Variants in STX11 observed in about 807,000 individuals in gnomAD.
STX11 encodes syntaxin 11, also known as syntaxin-11.
In STX11, 21 loss-of-function variants were observed where a neutral mutation model predicts 19.9. The ratio of observed to expected loss-of-function variants is 1.06; its 90% CI spans 0.75 to 1.52. STX11 has a LOEUF of 1.52. Ranked by LOEUF, STX11 falls within the 40% of genes most tolerant of loss-of-function variation. The pLI, the probability that STX11 is intolerant of heterozygous loss-of-function variation, is 0.00. For missense variants in STX11, 438 were observed against 405.9 expected (o/e 1.08, Z -0.68); for synonymous variants, 193 against 174.4 (o/e 1.11, Z -0.84).
At position 144,159,727 on chromosome 6, in the gene STX11, C is replaced by T. The variant is rs954154935; in HGVS notation, c.-6+9024C>T. On this transcript the variant is annotated intron_variant, in intron 1 of 1. Coordinates refer to ENST00000367568, the MANE Select transcript of STX11 (RefSeq NM_003764.4). The surrounding 1 kb of genome is among the most constrained non-coding windows in gnomAD (Gnocchi z 4.3). Reference sequence around the variant, plus strand: ...AAAATAAATGTAAAGCTCTGAAAATCATGAACTTACATCACAGCCTTTTAA... The same window carrying T: ...AAAATAAATGTAAAGCTCTGAAAATTATGAACTTACATCACAGCCTTTTAA... Among the ~76,000 whole-genome samples the T allele has an allele frequency of 2.0e-5, 3 of 152,148 alleles. No homozygotes were observed. Among genetic ancestry groups the T allele is most frequent in the African/African-American group, 7.2e-5 (3 of 41,428 alleles).
In STX11 at chr6:144,167,242, T is replaced by G. The variant is rs1562661300; in HGVS notation, c.-6+16539T>G. Among the ~76,000 whole-genome samples the G allele has an allele frequency of 6.6e-6, 1 of 152,264 alleles. No homozygotes were observed. The highest frequency in any genetic ancestry group is 1.9e-4 in the East Asian group (1 of 5,206). On this transcript the variant is annotated intron_variant, in intron 1 of 1. Transcript: ENST00000367568. This position sits in a 1 kb window ranked among gnomAD's most constrained non-coding sequence, Gnocchi z 5.0. ...CTTTTCATGTTAAACAATTCTGTCT[T>G]ATTTGATTTATTATTACAAGTTGAG...
At chr6:144,156,516 G>A (rs1190502977) in intron 1 of STX11, among the ~76,000 whole-genome samples, 1 of 152,130 alleles carries the variant, frequency 6.6e-6, no homozygotes, top group African/African-American at 2.4e-5. Context: ...ATAACTTATT[G>A]TGTAATAAGG....
In STX11 at chr6:144,159,738, A is replaced by C. The variant is rs1801285743; in HGVS notation, c.-6+9035A>C. On this transcript the variant is annotated intron_variant, in intron 1 of 1. Transcript: ENST00000367568. The surrounding 1 kb of genome is among the most constrained non-coding windows in gnomAD (Gnocchi z 4.3). The stretch of plus-strand genomic sequence containing the variant: ...AAAGCTCTGAAAATCATGAACTTAC[A>C]TCACAGCCTTTTAAAAATTAATCTC... Among the ~76,000 whole-genome samples the C allele has an allele frequency of 6.6e-6, 1 of 152,248 alleles. No homozygotes were observed. The highest frequency in any genetic ancestry group is 1.5e-5 in the Non-Finnish European group (1 of 68,046).
rs1801887825 is a variant in STX11 at position 144,180,610 on chromosome 6, C to G, written c.-5-6013C>G. Among the ~76,000 whole-genome samples, 1 of 152,206 alleles carries G rather than the reference C, an allele frequency of 6.6e-6. No homozygotes were observed. Among genetic ancestry groups the G allele is most frequent in the Admixed American group, 6.5e-5 (1 of 15,286 alleles). On this transcript the variant is annotated intron_variant, in intron 1 of 1. Coordinates refer to ENST00000367568, the MANE Select transcript of STX11 (RefSeq NM_003764.4). This position sits in a 1 kb window ranked among gnomAD's most constrained non-coding sequence, Gnocchi z 5.3. ...GTGCCTTTCACCTCCCACTATGACTCTGGGGCCTCCCCAGCCATGTGGTAC... is the reference window on the plus strand; with the variant it reads ...GTGCCTTTCACCTCCCACTATGACTGTGGGGCCTCCCCAGCCATGTGGTAC...
chr6:144,140,249 TATA>T, the STX11 span, among the ~76,000 whole-genome samples: 9 of 45,850 alleles, frequency 2.0e-4, no homozygotes, highest in African/African-American at 1.3e-3. Flanking sequence ...TATATATATA[TATA>T]TATTTATTTA....
Position 144,162,092 on chromosome 6 carries a change from C to G in STX11, c.-6+11389C>G, listed in dbSNP as rs73582936. ...ACTCTAGATTCTCTTTTACCCTGTT[C>G]AGAGTCTAATCTGTCATCTGTCTAC... is the stretch of plus-strand genomic sequence containing the variant. On this transcript the variant is annotated intron_variant, in intron 1 of 1. Coordinates refer to ENST00000367568, the MANE Select transcript of STX11 (RefSeq NM_003764.4). This position sits in a 1 kb window ranked among gnomAD's most constrained non-coding sequence, Gnocchi z 4.6. Among the ~76,000 whole-genome samples, 6,778 of 152,236 alleles carry G rather than the reference C, an allele frequency of 0.045. 519 individuals are homozygous for G. The highest frequency in any genetic ancestry group is 0.15 in the African/African-American group (6,408 of 41,506).
At chr6:144,149,774 C>A (rs1487609738), upstream of STX11, among the ~76,000 whole-genome samples, 3 of 152,226 alleles carry the variant, frequency 2.0e-5, no homozygotes, top group Non-Finnish European at 1.5e-5. This position sits in a 1 kb window ranked among gnomAD's most constrained non-coding sequence, Gnocchi z 5.1. Context: ...CCGCGCCCGG[C>A]CCGATTTTTC....
At chr6:144,166,630 A>G (rs1474999634) in intron 1 of STX11, among the ~76,000 whole-genome samples, 2 of 150,772 alleles carry the variant, frequency 1.3e-5, no homozygotes, top group South Asian at 4.2e-4. Context: ...GGTTCAAGCA[A>G]TTCTTCTGCC....
chr6:144,158,451 G>A (rs889921259), intron 1 of STX11, among the ~76,000 whole-genome samples: 1 of 152,164 alleles, frequency 6.6e-6, no homozygotes, highest in Admixed American at 6.5e-5. Context: ...ATGGGGGATG[G>A]GAATCAGTGA....
In STX11 at chr6:144,152,626, G is replaced by A. The variant is rs543019431; in HGVS notation, c.-6+1923G>A. Among the ~76,000 whole-genome samples the A allele has an allele frequency of 1.3e-5, 2 of 152,228 alleles. No homozygotes were observed. Among genetic ancestry groups the A allele is most frequent in the South Asian group, 4.1e-4 (2 of 4,822 alleles). On this transcript the variant is annotated intron_variant, in intron 1 of 1. Transcript: ENST00000367568. This position sits in a 1 kb window ranked among gnomAD's most constrained non-coding sequence, Gnocchi z 4.9. ...AGGAAATGGTGTGACTAATTAATAG[G>A]TTGTTTTGTTTTGTTTTGTTTTTTG...
the STX11 span, among the ~76,000 whole-genome samples, chr6:144,140,125 G>A: frequency 0.04 from 5,846 of 147,476 alleles, 179 homozygotes; most frequent in Non-Finnish European, 0.063. Flanking sequence ...AGAGGCAGAT[G>A]TCTCAAGGAA....
rs367890565 is a variant in STX11, at chr6:144,190,044, A to G, written c.*2553A>G. 6.6e-6 allele frequency among the ~76,000 whole-genome samples: 1 copy of G among 152,234 alleles called. No individual in the cohort carries two copies. The highest frequency in any genetic ancestry group is 2.1e-4 in the South Asian group (1 of 4,830). On this transcript the variant is annotated 3_prime_UTR_variant, in exon 2 of 2. Coordinates refer to ENST00000367568, the MANE Select transcript of STX11 (RefSeq NM_003764.4). ...AAAAGTAAGTGAGTTTTCAGGCTCT[A>G]TATACATTTTAATTCCTCACGTTTT...
At position 144,162,942 on chromosome 6, in the gene STX11, G is replaced by A. The variant is rs191326646; in HGVS notation, c.-6+12239G>A. Among the ~76,000 whole-genome samples the A allele has an allele frequency of 9.8e-5, 15 of 152,300 alleles. No homozygotes were observed. The East Asian group carries it at 2.9e-3, about 29-fold the overall frequency. On this transcript the variant is annotated intron_variant, in intron 1 of 1. Transcript: ENST00000367568. This position sits in a 1 kb window ranked among gnomAD's most constrained non-coding sequence, Gnocchi z 4.6. Reference sequence around the variant, plus strand: ...CATTCACTGTGTGTAAATACCTTTTGAGGTTCATTGTCTTATTCTAGTTTG... The same window carrying A: ...CATTCACTGTGTGTAAATACCTTTTAAGGTTCATTGTCTTATTCTAGTTTG...
chr6:144,160,717 G>A lies in STX11; in HGVS notation c.-6+10014G>A, dbSNP rs1184415293. Among the ~76,000 whole-genome samples the A allele has an allele frequency of 1.3e-5, 2 of 152,098 alleles. No homozygotes were observed. Among genetic ancestry groups the A allele is most frequent in the African/African-American group, 4.8e-5 (2 of 41,406 alleles). ...AGGTGGAGTTATGTAATCCTCTGCTGTGTCCCATTCAAGTGGATAAACATA... is the reference window on the plus strand; with the variant it reads ...AGGTGGAGTTATGTAATCCTCTGCTATGTCCCATTCAAGTGGATAAACATA... On this transcript the variant is annotated intron_variant, in intron 1 of 1. Coordinates refer to ENST00000367568, the MANE Select transcript of STX11 (RefSeq NM_003764.4). This position sits in a 1 kb window ranked among gnomAD's most constrained non-coding sequence, Gnocchi z 4.3.
intron 1 of STX11, among the ~76,000 whole-genome samples, chr6:144,173,490 A>T (rs1439994137): frequency 6.6e-6 from 1 of 152,178 alleles, no homozygotes; most frequent in Non-Finnish European, 1.5e-5. Context: ...GACTGGAGAG[A>T]TAAAAAGTTT....
intron 1 of STX11, among the ~76,000 whole-genome samples, chr6:144,157,302 C>CTCAGCATT (rs1454380820): frequency 6.6e-6 from 1 of 152,176 alleles, no homozygotes; most frequent in Non-Finnish European, 1.5e-5. Context: ...AGGCAAGAGG[C>CTCAGCATT]TCAGCATTTG....
upstream of STX11, among the ~76,000 whole-genome samples, chr6:144,149,776 C>G (rs1264410116): frequency 6.6e-6 from 1 of 152,166 alleles, no homozygotes. This position sits in a 1 kb window ranked among gnomAD's most constrained non-coding sequence, Gnocchi z 5.1. Context: ...GCGCCCGGCC[C>G]GATTTTTCCT....
upstream of STX11, among the ~76,000 whole-genome samples, chr6:144,148,615 A>G (rs966098370): frequency 1.3e-5 from 2 of 152,188 alleles, no homozygotes; most frequent in African/African-American, 4.8e-5. Context: ...TTACTAATGA[A>G]AGTCCATGCT....
In STX11 at chr6:144,190,785, A is replaced by C. The variant is rs541349183; in HGVS notation, c.*3294A>C. Among the ~76,000 whole-genome samples the C allele has an allele frequency of 6.6e-6, 1 of 152,254 alleles. No homozygotes were observed. The highest frequency in any genetic ancestry group is 1.9e-4 in the East Asian group (1 of 5,180). The stretch of plus-strand genomic sequence containing the variant: ...AGAAAGTCCTGGAAGGAGTTGTAGG[A>C]AGTTGTAGAGGCTGGGTCACTGACC... On this transcript the variant is annotated 3_prime_UTR_variant, in exon 2 of 2. Transcript: ENST00000367568.
Sources: gnomAD v4.1 joint callset for allele counts (sites outside exome capture counted in the v4.1 genomes callset) on GRCh38, gnomAD v4.1.1 for gene constraint, Gnocchi (gnomAD v3.1) non-coding constraint, MANE v1.5 for transcripts, NCBI Gene and HGNC (gene_info 2026-07-23, HGNC 2026-07-21) for gene names.